SOCS2: variants seen among roughly 807,000 people sequenced by gnomAD.
The protein encoded by SOCS2 is suppressor of cytokine signaling 2.
A neutral mutation model predicts 18.6 loss-of-function variants in SOCS2; 10 were observed. The observed-to-expected ratio is 0.54, with a 90% CI of 0.33 to 0.91. SOCS2 has a LOEUF of 0.91. Ranked by LOEUF, SOCS2 falls within the 40% of genes least tolerant of loss-of-function variation. SOCS2 has a pLI of 0.02. For synonymous variants in SOCS2, 104 were observed against 104.0 expected (o/e 1.00, Z 0.00); for missense variants, 231 against 247.2 (o/e 0.93, Z 0.44).
chr12:93,592,917 CTTTTTTTTT>C, the SOCS2 span, among the ~76,000 whole-genome samples: 11 of 107,388 alleles, frequency 1.0e-4, no homozygotes, highest in African/African-American at 4.0e-4. Context: ...ACTGAGAAAG[CTTTTTTTTT>C]TTTTTTTTTT....
chr12:93,593,178 G>T, the SOCS2 span, among the ~76,000 whole-genome samples: 1 of 152,100 alleles, frequency 6.6e-6, no homozygotes, highest in African/African-American at 2.4e-5. Context: ...ACTGGAAGGT[G>T]GTTCTGGAGA....
chr12:93,623,733 G>T, the SOCS2 span, among the ~76,000 whole-genome samples: 1 of 151,832 alleles, frequency 6.6e-6, no homozygotes, highest in Non-Finnish European at 1.5e-5. Context: ...TTGAGACAGG[G>T]TCTCGCTCTG....
the SOCS2 span, among the ~76,000 whole-genome samples, chr12:93,613,424 A>C: frequency 1.4e-3 from 215 of 152,232 alleles, 1 homozygote; most frequent in African/African-American, 3.4e-3. Flanking sequence ...AAAACCAAAA[A>C]CAAAAACAAA....
chr12:93,591,923 A>G, the SOCS2 span, among the ~76,000 whole-genome samples: 1 of 152,230 alleles, frequency 6.6e-6, no homozygotes, highest in African/African-American at 2.4e-5. Flanking sequence ...TGGCTTCTAT[A>G]GATTGTCCCA....
At chr12:93,615,271 T>TATAG in the SOCS2 span, among the ~76,000 whole-genome samples, 1 of 152,218 alleles carries the variant, frequency 6.6e-6, no homozygotes, top group African/African-American at 2.4e-5. Context: ...TCCCAGAGTC[T>TATAG]AGTACAGCTC....
chr12:93,599,343 G>T, the SOCS2 span, among the ~76,000 whole-genome samples: 1 of 151,892 alleles, frequency 6.6e-6, no homozygotes, highest in Non-Finnish European at 1.5e-5. Context: ...ATTTTTATTT[G>T]TATAGATGGG....
the SOCS2 span, among the ~76,000 whole-genome samples, chr12:93,624,349 G>A: frequency 1.3e-5 from 2 of 152,170 alleles, no homozygotes; most frequent in African/African-American, 2.4e-5. Context: ...AAGGCGGGTG[G>A]ATCACGAGGT....
At position 93,572,695 on chromosome 12, in the gene SOCS2, G is replaced by A. The variant is rs1338587748; in HGVS notation, c.-203G>A. The A allele has an allele frequency of 2.6e-6, 2 of 757,406 alleles. No homozygotes were observed. The highest frequency in any genetic ancestry group is 5.3e-5 in the East Asian group (2 of 37,406). The allele number at this position is 757,406 out of a possible 1,614,324, so 46.9% of individuals were successfully genotyped here. A position where few individuals can be genotyped will look rare whatever the true frequency, so the allele number is the denominator to read the frequency against. On this transcript the variant is annotated 5_prime_UTR_variant, in exon 1 of 2. Transcript: ENST00000551556. The surrounding 1 kb of genome is among the most constrained non-coding windows in gnomAD (Gnocchi z 5.0). ...GCTTTCTCTTTGTAGGCGATCAGTGGGTGACCGCGGCTGCGAGGGACTTTG... is the reference window on the plus strand; with the variant it reads ...GCTTTCTCTTTGTAGGCGATCAGTGAGTGACCGCGGCTGCGAGGGACTTTG...
At chr12:93,614,640 G>C in the SOCS2 span, among the ~76,000 whole-genome samples, 2 of 108,374 alleles carry the variant, frequency 1.8e-5, no homozygotes, top group African/African-American at 7.6e-5. Context: ...TCTTTTGATG[G>C]AGTCTGGCTC....
chr12:93,588,100 G>A (rs73371685), downstream of SOCS2, among the ~76,000 whole-genome samples: 317 of 152,274 alleles, frequency 2.1e-3, no homozygotes, highest in African/African-American at 7.0e-3. Context: ...GGAAAAAAGC[G>A]TTATACTGTC....
At chr12:93,593,626 G>A in the SOCS2 span, among the ~76,000 whole-genome samples, 1 of 152,032 alleles carries the variant, frequency 6.6e-6, no homozygotes, top group Non-Finnish European at 1.5e-5. Context: ...TTAGATTATA[G>A]CCAACTTTTT....
chr12:93,623,246 ACT>A, the SOCS2 span, among the ~76,000 whole-genome samples: 5 of 150,284 alleles, frequency 3.3e-5, no homozygotes, highest in Non-Finnish European at 5.9e-5. Context: ...CCTCTCACTC[ACT>A]CCTTTCTCCT....
the SOCS2 span, among the ~76,000 whole-genome samples, chr12:93,614,521 T>A: frequency 1.1e-5 from 1 of 87,808 alleles, no homozygotes; most frequent in Non-Finnish European, 2.0e-5. Flanking sequence ...CCTTCCTTCC[T>A]TCCTTCCTTC....
Position 93,574,884 on chromosome 12 carries a change from A to G in SOCS2, c.302A>G (p.Asp101Gly). The G allele has an allele frequency of 6.2e-7, 1 of 1,614,190 alleles. No homozygotes were observed. Among genetic ancestry groups the G allele is most frequent in the Non-Finnish European group, 8.5e-7 (1 of 1,180,042 alleles). Residue 101 changes from aspartate to glycine, a missense_variant, in exon 2 of 2, where the codon GAC becomes GGC. Physicochemically the swap from Asp to Gly is moderately conservative, Grantham distance 94. Around this residue, in one of 3 missense-constraint regions of SOCS2, gnomAD observed 122 missense variants for 127.2 expected, o/e 0.96. Coordinates refer to ENST00000551556, the MANE Select transcript of SOCS2 (RefSeq NM_001270471.2). ...ACTAATCTTCGAATCGAATACCAAG[A>G]CGGAAAATTCAGATTGGACTCTATC... ...GPTNLRIEYQ[D>G]GKFRLDSIIC...
chr12:93,610,594 G>A, the SOCS2 span, among the ~76,000 whole-genome samples: 2 of 152,188 alleles, frequency 1.3e-5, no homozygotes. Context: ...TTTGGAAAGT[G>A]ATTGAGTCAT....
At chr12:93,610,749 T>C in the SOCS2 span, among the ~76,000 whole-genome samples, 1 of 152,154 alleles carries the variant, frequency 6.6e-6, no homozygotes, top group Non-Finnish European at 1.5e-5. Context: ...TGTAAGAACA[T>C]GGCCATAAGG....
upstream of SOCS2, chr12:93,572,558 G>A (rs1954293147): frequency 2.0e-6 from 1 of 494,430 alleles, no homozygotes; most frequent in African/African-American, 1.9e-5. This position sits in a 1 kb window ranked among gnomAD's most constrained non-coding sequence, Gnocchi z 5.0. Flanking sequence ...TGGAAGCTTG[G>A]GGTTAAATGG....
chr12:93,586,869 T>C (rs1362618362), downstream of SOCS2, among the ~76,000 whole-genome samples: 1 of 152,196 alleles, frequency 6.6e-6, no homozygotes, highest in Non-Finnish European at 1.5e-5. Flanking sequence ...TGAGGAATGT[T>C]AAAAAACACA....
chr12:93,601,566 C>G, the SOCS2 span, among the ~76,000 whole-genome samples: 2 of 152,206 alleles, frequency 1.3e-5, no homozygotes, highest in African/African-American at 4.8e-5. Context: ...GCCTCAGCCT[C>G]CCAAAGTGCT....
Sources: gnomAD v4.1 joint callset for allele counts (sites outside exome capture counted in the v4.1 genomes callset) on GRCh38, gnomAD v4.1.1 for gene constraint, gnomAD v4.1.1 regional missense constraint, Gnocchi (gnomAD v3.1) non-coding constraint, MANE v1.5 for transcripts, NCBI Gene and HGNC (gene_info 2026-07-23, HGNC 2026-07-21) for gene names.